Variants in PSME2 observed in about 807,000 individuals in gnomAD.
PSME2 encodes the protein proteasome activator subunit 2.
A neutral mutation model predicts 38.8 loss-of-function variants in PSME2; 20 were observed. The ratio of observed to expected loss-of-function variants is 0.52; its 90% CI spans 0.36 to 0.75. PSME2 has a LOEUF of 0.75. Ranked by LOEUF, PSME2 falls within the 30% of genes least tolerant of loss-of-function variation. PSME2 has a pLI of 0.00. For synonymous variants in PSME2, 82 were observed against 102.5 expected (o/e 0.80, Z 1.21); for missense variants, 227 against 287.6 (o/e 0.79, Z 1.52).
intron 8 of PSME2, 66 bp downstream of exon 8, chr14:24,144,126 C>A (rs1400113275): frequency 6.2e-7 from 1 of 1,611,404 alleles, no homozygotes; most frequent in Non-Finnish European, 8.5e-7. Flanking sequence ...ATAGGGCTGC[C>A]CAGCTCTGGG....
intron 4 of PSME2, 48 bp from the exon 5 acceptor site, chr14:24,145,321 G>A (rs1198687531): frequency 6.2e-7 from 1 of 1,613,028 alleles, no homozygotes; most frequent in Admixed American, 1.7e-5. Flanking sequence ...CACAGAGGTT[G>A]AAGGGCTATC....
rs141394974 is a variant in PSME2, at chr14:24,143,930, C to T, written c.552+45G>A. 0.015 allele frequency: 24,672 copies of T among 1,592,708 alleles called. 228 individuals are homozygous for T. Among genetic ancestry groups the T allele is most frequent in the Non-Finnish European group, 0.019 (21,673 of 1,161,146 alleles). On this transcript the variant is annotated intron_variant, in intron 9 of 10. Coordinates refer to ENST00000216802, the MANE Select transcript of PSME2 (RefSeq NM_002818.3). The surrounding 1 kb of genome is among the most constrained non-coding windows in gnomAD (Gnocchi z 4.4). ...AAGGAGGACTTCTTCCTCCACACCT[C>T]CTCGTCCCACACCCAGCTAAAAGGC...
rs200256723 is a variant in PSME2 at position 24,143,634 on chromosome 14, G to A, written c.590C>T (p.Ala197Val). The A allele has an allele frequency of 5.3e-4, 853 of 1,614,096 alleles. 14 individuals carry two copies. The South Asian group carries it at 7.3e-3, about 14-fold the overall frequency. ...YRALVHERDE[A>V]AYGELRAMVL... ...CATGGCCCTGAGCTCCCCATAGGCT[G>A]CCTCATCTCGCTCATGCACCAAGGC... Residue 197 changes from alanine to valine, a missense_variant, in exon 10 of 11, where the codon GCA becomes GTA. This residue lies in a region of PSME2 where 99 missense variants were observed against 113.9 expected (regional missense o/e 0.87). Coordinates refer to ENST00000216802, the MANE Select transcript of PSME2 (RefSeq NM_002818.3). The surrounding 1 kb of genome is among the most constrained non-coding windows in gnomAD (Gnocchi z 4.4).
intron 2 of PSME2, 39 bp downstream of exon 2, chr14:24,146,169 C>T (rs745495355): frequency 6.2e-7 from 1 of 1,607,644 alleles, no homozygotes; most frequent in Admixed American, 1.7e-5. Flanking sequence ...AGTATTGGTC[C>T]AAGATTCTGG....
At chr14:24,144,554 T>G in intron 6 of PSME2, 86 bp from the exon 7 acceptor site, 1 of 1,320,008 alleles carries the variant, frequency 7.6e-7, no homozygotes, top group Non-Finnish European at 1.1e-6. Flanking sequence ...AAAGTTATAT[T>G]TAATTGGGTA....
Position 24,145,482 on chromosome 14 carries a change from G to A in PSME2, c.145-17C>T. 6.5e-7 allele frequency: 1 copy of A among 1,543,026 alleles called. No homozygotes were observed. The highest frequency in any genetic ancestry group is 8.7e-7 in the Non-Finnish European group (1 of 1,145,854). The stretch of plus-strand genomic sequence containing the variant: ...GGAGTCCTCCTGCACAGAGCTCACT[G>A]TCAAGGGCTGCCCAACCTCTTCCCT... On this transcript the variant is annotated splice_polypyrimidine_tract_variant and intron_variant, in intron 3 of 10. Transcript: ENST00000216802.
chr14:24,144,510 ACT>A (rs773568273), intron 6 of PSME2, 42 bp from the exon 7 acceptor site: 1 of 1,558,536 alleles, frequency 6.4e-7, no homozygotes, highest in South Asian at 1.1e-5. Context: ...CAACAAACAT[ACT>A]GAGTTCTTCC....
Position 24,144,001 on chromosome 14 carries a change from C to T in PSME2, c.526G>A (p.Ala176Thr). The change falls in exon 9 of 11, where the codon GCC becomes ACC. Residue 176 changes from alanine to threonine, a missense_variant. Physicochemically the swap from Ala to Thr is moderately conservative, Grantham distance 58. This residue lies in a region of PSME2 where 99 missense variants were observed against 113.9 expected (regional missense o/e 0.87). Coordinates refer to ENST00000216802, the MANE Select transcript of PSME2 (RefSeq NM_002818.3). The stretch of plus-strand genomic sequence containing the variant: ...ACATGAGTCTCCTTGGAGGCCTTGG[C>T]CACAGCATCCCCACGTTCTGAGAAG... Reference protein sequence around the residue: ...KYFSERGDAVAKASKETHVMD... With the variant: ...KYFSERGDAVTKASKETHVMD... 6.2e-7 allele frequency: 1 copy of T among 1,614,060 alleles called. No individual in the cohort carries two copies. Among genetic ancestry groups the T allele is most frequent in the Non-Finnish European group, 8.5e-7 (1 of 1,180,034 alleles).
Position 24,145,390 on chromosome 14 carries a change from T to C in PSME2, c.220A>G (p.Lys74Glu). 1 of 1,591,040 alleles carries C rather than the reference T, an allele frequency of 6.3e-7. No individual in the cohort carries two copies. The change falls in exon 4 of 11, where the codon AAG becomes GAG. Residue 74 changes from lysine (K) to glutamate (E), a missense_variant. By Grantham distance (56) the Lys-to-Glu change is moderately conservative (BLOSUM62 1). This residue lies in a region of PSME2 where 48 missense variants were observed against 96.4 expected (regional missense o/e 0.50). Transcript: ENST00000216802. ...CCTGAGTGCCTCACCTCATCATCCT[T>C]GGGTGGAGGGTCTGGGATGGGGATG... is the stretch of plus-strand genomic sequence containing the variant. The part of the protein sequence containing the change: ...LDIPIPDPPP[K>E]DDEMETDKQE...
At chr14:24,145,978 G>A in intron 2 of PSME2, 1 of 815,844 alleles carries the variant, frequency 1.2e-6, no homozygotes. Flanking sequence ...GGAAGCCATG[G>A]TTTTTTTCCT....
At chr14:24,144,840 C>T in intron 6 of PSME2, 1 of 598,830 alleles carries the variant, frequency 1.7e-6, no homozygotes, top group Non-Finnish European at 3.0e-6. Context: ...TCTGAGGTTA[C>T]AGAGTGGATA....
chr14:24,144,610 C>A, intron 6 of PSME2, 142 bp from the exon 7 acceptor site: 1 of 786,770 alleles, frequency 1.3e-6, no homozygotes, highest in South Asian at 1.7e-5. Context: ...TTCATGTAAT[C>A]ATCACAGCAA....
chr14:24,144,677 G>C, intron 6 of PSME2: 11 of 611,502 alleles, frequency 1.8e-5, no homozygotes, highest in South Asian at 6.2e-5. Flanking sequence ...CTGAGTCACA[G>C]AATGTCTAAG....
intron 4 of PSME2, 32 bp from the exon 5 acceptor site, chr14:24,145,305 A>G (rs2038133623): frequency 6.2e-7 from 1 of 1,613,932 alleles, no homozygotes; most frequent in Non-Finnish European, 8.5e-7. Flanking sequence ...GTAGCTTTAG[A>G]AAAGTCACAG....
At chr14:24,144,375 G>C in intron 7 of PSME2, 25 bp downstream of exon 7, 4 of 1,608,814 alleles carry the variant, frequency 2.5e-6, no homozygotes, top group Non-Finnish European at 3.4e-6. Flanking sequence ...CCCACTCTAA[G>C]TATCTTCAGT....
chr14:24,144,825 T>G, intron 6 of PSME2: 1 of 586,566 alleles, frequency 1.7e-6, no homozygotes, highest in Middle Eastern at 4.6e-4. Context: ...AATACAGCAG[T>G]AGGTTCTGAG....
intron 3 of PSME2, 43 bp from the exon 4 acceptor site, chr14:24,145,508 T>C: frequency 6.6e-7 from 1 of 1,524,516 alleles, no homozygotes; most frequent in Non-Finnish European, 8.9e-7. Context: ...CCTCTTCCCT[T>C]CATCCTAGGT....
chr14:24,144,471 G>C lies in PSME2; in HGVS notation c.361-3C>G. ...AGGTGTTGGATCCATGTAATCACCTGTGTTAAGAGGTATCATGTAAGAATC... is the reference window on the plus strand; with the variant it reads ...AGGTGTTGGATCCATGTAATCACCTCTGTTAAGAGGTATCATGTAAGAATC... On this transcript the variant is annotated splice_region_variant and splice_polypyrimidine_tract_variant and intron_variant, in intron 6 of 10. Coordinates refer to ENST00000216802, the MANE Select transcript of PSME2 (RefSeq NM_002818.3). The C allele has an allele frequency of 1.2e-6, 2 of 1,606,948 alleles. No individual in the cohort carries two copies. Among genetic ancestry groups the C allele is most frequent in the Non-Finnish European group, 1.7e-6 (2 of 1,173,456 alleles).
chr14:24,143,598 A>G lies in PSME2; in HGVS notation c.626T>C (p.Leu209Pro). 2 of 1,614,086 alleles carry G rather than the reference A, an allele frequency of 1.2e-6. No homozygotes were observed. The highest frequency in any genetic ancestry group is 1.7e-6 in the Non-Finnish European group (2 of 1,179,998). The change falls in exon 10 of 11, where the codon CTG becomes CCG. Residue 209 changes from leucine (L) to proline (P), a missense_variant. By Grantham distance (98) the Leu-to-Pro change is moderately conservative (BLOSUM62 -3). Transcript: ENST00000216802. The surrounding 1 kb of genome is among the most constrained non-coding windows in gnomAD (Gnocchi z 4.4). ...CTCCACACTCACATAGAAGGCCCTC[A>G]GGTCCAGCACCATGGCCCTGAGCTC... ...YGELRAMVLDLRAFYAELYHI... is the reference protein window; with the variant it reads ...YGELRAMVLDPRAFYAELYHI...
Sources: allele counts gnomAD v4.1 joint callset, GRCh38; gene constraint gnomAD v4.1.1; regional missense constraint gnomAD v4.1.1; non-coding constraint Gnocchi (gnomAD v3.1); transcripts MANE v1.5; gene names NCBI Gene and HGNC (gene_info 2026-07-23, HGNC 2026-07-21).